ADARB2: variants seen among roughly 807,000 people sequenced by gnomAD.
The protein encoded by ADARB2 is inactive double-stranded RNA-specific editase B2.
A neutral mutation model predicts 62.2 loss-of-function variants in ADARB2; 25 were observed. The observed-to-expected ratio is 0.40, with a 90% CI of 0.29 to 0.56. ADARB2 has a LOEUF of 0.56. Among genes scored for constraint, ADARB2 ranks in the 20% least tolerant of loss-of-function variants. The pLI is 0.43. For synonymous variants in ADARB2, 572 were observed against 500.8 expected (o/e 1.14, Z -1.90); for missense variants, 1,071 against 1,077.4 (o/e 0.99, Z 0.08).
At chr10:1,353,811 C>T (rs776008899) in intron 3 of ADARB2, among the ~76,000 whole-genome samples, 1 of 152,182 alleles carries the variant, frequency 6.6e-6, no homozygotes, top group African/African-American at 2.4e-5. Flanking sequence ...TCTATCAATA[C>T]TGGCACACTT....
intron 1 of ADARB2, among the ~76,000 whole-genome samples, chr10:1,470,777 G>A (rs182354950): frequency 2.0e-5 from 3 of 152,320 alleles, no homozygotes; most frequent in African/African-American, 7.2e-5. Context: ...GGTGGCTCAC[G>A]CCTATAATCC....
chr10:1,439,250 T>G (rs1195273170), intron 1 of ADARB2, among the ~76,000 whole-genome samples: 2 of 112,388 alleles, frequency 1.8e-5, no homozygotes, highest in South Asian at 3.8e-4. Context: ...AGACTCTTCA[T>G]GATGGGGCTC....
At chr10:1,720,172 C>T (rs148290414) in intron 1 of ADARB2, among the ~76,000 whole-genome samples, 359 of 152,324 alleles carry the variant, frequency 2.4e-3, no homozygotes, top group Non-Finnish European at 3.7e-3. Context: ...GGTCCACATA[C>T]ACTGTGGAAT....
chr10:1,720,516 A>G (rs898005866), intron 1 of ADARB2, among the ~76,000 whole-genome samples: 1 of 152,238 alleles, frequency 6.6e-6, no homozygotes, highest in African/African-American at 2.4e-5. Context: ...CTGAAATAAA[A>G]GTTGAGTATC....
At chr10:1,341,525 G>A (rs1219841690) in intron 3 of ADARB2, among the ~76,000 whole-genome samples, 3 of 140,310 alleles carry the variant, frequency 2.1e-5, no homozygotes, top group Non-Finnish European at 3.0e-5. Context: ...GCCCCACAGC[G>A]GCAATAACAA....
intron 1 of ADARB2, among the ~76,000 whole-genome samples, chr10:1,581,261 C>G (rs955396538): frequency 6.6e-6 from 1 of 152,232 alleles, no homozygotes; most frequent in African/African-American, 2.4e-5. Context: ...GGCTTAAACC[C>G]ATCAGACGTT....
At chr10:1,339,393 A>G (rs1396912783) in intron 3 of ADARB2, among the ~76,000 whole-genome samples, 1 of 152,202 alleles carries the variant, frequency 6.6e-6, no homozygotes, top group African/African-American at 2.4e-5. Context: ...CTTTTAGGGG[A>G]GGAGTCACTC....
chr10:1,571,939 G>A (rs1216007012), intron 1 of ADARB2, among the ~76,000 whole-genome samples: 2 of 144,442 alleles, frequency 1.4e-5, no homozygotes, highest in Non-Finnish European at 1.5e-5. Context: ...ATGCTGGTGA[G>A]CGGACAGGTG....
At chr10:1,613,316 AT>A (rs1010262547) in intron 1 of ADARB2, among the ~76,000 whole-genome samples, 4 of 152,078 alleles carry the variant, frequency 2.6e-5, no homozygotes, top group African/African-American at 9.7e-5. Flanking sequence ...CCATGAAAAG[AT>A]TTTTTTTAAG....
At chr10:1,503,336 G>A (rs1367900992) in intron 1 of ADARB2, among the ~76,000 whole-genome samples, 2 of 149,942 alleles carry the variant, frequency 1.3e-5, no homozygotes, top group East Asian at 1.9e-4. Context: ...ACAGGCACAC[G>A]CCACCATACC....
Position 1,274,763 on chromosome 10 carries a change from C to T in ADARB2, c.1078-3694G>A, listed in dbSNP as rs538023408. Among the ~76,000 whole-genome samples, 178 of 152,342 alleles carry T rather than the reference C, an allele frequency of 1.2e-3. 2 individuals carry two copies. The highest frequency in any genetic ancestry group is 0.01 in the Middle Eastern group (3 of 294). ...TTATCCTTTTTAGCTATTGAAGCAA[C>T]GCAACCAGTCATACAGCAGGGGGTG... On this transcript the variant is annotated intron_variant, in intron 3 of 9. Coordinates refer to ENST00000381312, the MANE Select transcript of ADARB2 (RefSeq NM_018702.4).
At position 1,503,281 on chromosome 10, in the gene ADARB2, G is replaced by A. The variant is rs145482893; in HGVS notation, c.101-124121C>T. Among the ~76,000 whole-genome samples the A allele has an allele frequency of 4.5e-3, 679 of 152,060 alleles. 7 individuals are homozygous for A. The highest frequency in any genetic ancestry group is 0.016 in the African/African-American group (653 of 41,492). ...AGCTCATTTCAACGTCTGCCTCCCAGGCTCAAGCAATCCTCCTGGCTCAGC... is the reference window on the plus strand; with the variant it reads ...AGCTCATTTCAACGTCTGCCTCCCAAGCTCAAGCAATCCTCCTGGCTCAGC... On this transcript the variant is annotated intron_variant, in intron 1 of 9. Coordinates refer to ENST00000381312, the MANE Select transcript of ADARB2 (RefSeq NM_018702.4).
At chr10:1,505,717 A>T (rs1831838095) in intron 1 of ADARB2, among the ~76,000 whole-genome samples, 2 of 144,614 alleles carry the variant, frequency 1.4e-5, no homozygotes, top group Non-Finnish European at 3.0e-5. Flanking sequence ...CCGCCTCCCC[A>T]TGCCCGTGGT....
At chr10:1,412,211 C>T (rs1171775170) in intron 1 of ADARB2, among the ~76,000 whole-genome samples, 1 of 152,078 alleles carries the variant, frequency 6.6e-6, no homozygotes, top group African/African-American at 2.4e-5. Flanking sequence ...TCCTGCGAGC[C>T]CGGAGACCTC....
chr10:1,525,703 G>A lies in ADARB2; in HGVS notation c.101-146543C>T, dbSNP rs561146428. 1.7e-3 allele frequency among the ~76,000 whole-genome samples: 266 copies of A among 152,312 alleles called. 1 individual carries two copies. The highest frequency in any genetic ancestry group is 2.5e-3 in the Non-Finnish European group (171 of 68,026). ...GCCCACCATTTGCACAGAGCTAGCC[G>A]AGGCAGCTGGCCTGAACATGTGTGC... is the stretch of plus-strand genomic sequence containing the variant. On this transcript the variant is annotated intron_variant, in intron 1 of 9. Coordinates refer to ENST00000381312, the MANE Select transcript of ADARB2 (RefSeq NM_018702.4).
At chr10:1,445,159 C>T (rs1830953094) in intron 1 of ADARB2, among the ~76,000 whole-genome samples, 1 of 149,022 alleles carries the variant, frequency 6.7e-6, no homozygotes. Flanking sequence ...ATCTATCTAT[C>T]TACATTCATG....
intron 9 of ADARB2, 92 bp downstream of exon 9, chr10:1,184,769 G>T: frequency 7.1e-7 from 1 of 1,410,876 alleles, no homozygotes; most frequent in Non-Finnish European, 9.6e-7. Context: ...CCTCCCTGCA[G>T]ACCAAGTGTT....
chr10:1,211,264 CATCTATT>C (rs1198988289), intron 7 of ADARB2, among the ~76,000 whole-genome samples: 5 of 152,142 alleles, frequency 3.3e-5, no homozygotes, highest in African/African-American at 4.8e-5. Flanking sequence ...TATCATCTAT[CATCTATT>C]AACTATCATC....
chr10:1,347,954 GGA>G (rs1038087744), intron 3 of ADARB2, among the ~76,000 whole-genome samples: 3 of 151,798 alleles, frequency 2.0e-5, no homozygotes. Flanking sequence ...AGATAGGGGT[GGA>G]GAGAGACAGA....
Sources: allele counts gnomAD v4.1 joint callset (sites outside exome capture counted in the v4.1 genomes callset), GRCh38; gene constraint gnomAD v4.1.1; transcripts MANE v1.5; gene names NCBI Gene and HGNC (gene_info 2026-07-23, HGNC 2026-07-21).